CNTNAP2: variants seen among roughly 807,000 people sequenced by gnomAD.
CNTNAP2 encodes contactin associated protein 2, also known as contactin-associated protein-like 2.
In CNTNAP2, 98 loss-of-function variants were observed where a neutral mutation model predicts 155.2. The observed-to-expected ratio is 0.63, with a 90% CI of 0.54 to 0.75. CNTNAP2 has a LOEUF of 0.75. Among genes scored for constraint, CNTNAP2 ranks in the 30% least tolerant of loss-of-function variants. CNTNAP2 has a pLI of 0.00. For missense variants in CNTNAP2, 1,727 were observed against 1,688.1 expected (o/e 1.02, Z -0.40); for synonymous variants, 651 against 631.2 (o/e 1.03, Z -0.47).
At chr7:148,211,242 C>A (rs947129635) in intron 18 of CNTNAP2, among the ~76,000 whole-genome samples, 3 of 152,208 alleles carry the variant, frequency 2.0e-5, no homozygotes, top group African/African-American at 7.2e-5. Flanking sequence ...CCCAGGAGAG[C>A]CTCCTAGACT....
intron 1 of CNTNAP2, among the ~76,000 whole-genome samples, chr7:146,559,654 T>C (rs995409690): frequency 6.6e-6 from 1 of 152,194 alleles, no homozygotes; most frequent in Non-Finnish European, 1.5e-5. Context: ...TTATAAATTA[T>C]TGTGGAAAGT....
chr7:148,281,056 G>A (rs540396831), intron 21 of CNTNAP2, among the ~76,000 whole-genome samples: 2 of 152,316 alleles, frequency 1.3e-5, no homozygotes, highest in South Asian at 2.1e-4. Context: ...CTGGGGGAGC[G>A]TGAGGGACAG....
intron 1 of CNTNAP2, among the ~76,000 whole-genome samples, chr7:146,151,666 A>ATATATATATATATGTATATATATATG (rs1798047535): frequency 1.6e-5 from 1 of 64,014 alleles, no homozygotes; most frequent in Admixed American, 2.0e-4. Flanking sequence ...ATATATATAT[A>ATATATATATATATGTATATATATATG]TATATATATA....
At chr7:146,724,561 CTTTTTTTTTTTTT>C (rs1000613503) in intron 1 of CNTNAP2, among the ~76,000 whole-genome samples, 10 of 65,622 alleles carry the variant, frequency 1.5e-4, no homozygotes, top group African/African-American at 2.8e-4. Flanking sequence ...TAAATCTAAA[CTTTTTTTTTTTTT>C]TTTTTTTTTT....
intron 1 of CNTNAP2, among the ~76,000 whole-genome samples, chr7:146,704,387 T>C (rs1800928359): frequency 6.6e-6 from 1 of 152,116 alleles, no homozygotes; most frequent in African/African-American, 2.4e-5. Context: ...ACAGACAAAA[T>C]AGATACTAAT....
intron 21 of CNTNAP2, among the ~76,000 whole-genome samples, chr7:148,299,763 G>A (rs368552118): frequency 6.6e-6 from 1 of 152,210 alleles, no homozygotes; most frequent in Non-Finnish European, 1.5e-5. Context: ...ATAAAATGAT[G>A]ATTAGTCTTT....
rs371723238 is a variant in CNTNAP2, at chr7:146,151,698, GTA to G, written c.97+34739_97+34740del. ...TATATATATGTATATATATATATAT[GTA>G]TATATATATATATGTATATATATAT... On this transcript the variant is annotated intron_variant, in intron 1 of 23. Coordinates refer to ENST00000361727, the MANE Select transcript of CNTNAP2 (RefSeq NM_014141.6). Among the ~76,000 whole-genome samples, 524 of 73,982 alleles carry G rather than the reference GTA, an allele frequency of 7.1e-3. 15 individuals are homozygous for G. Among genetic ancestry groups the G allele is most frequent in the Middle Eastern group, 0.019 (3 of 156 alleles). The allele number at this position is 73,982 out of a possible 152,430, so 48.5% of individuals were successfully genotyped here.
intron 15 of CNTNAP2, among the ~76,000 whole-genome samples, chr7:148,020,331 C>T (rs1364419106): frequency 1.3e-5 from 2 of 152,198 alleles, no homozygotes; most frequent in East Asian, 3.9e-4. Context: ...AAGGGTAATT[C>T]ATCTTACTTT....
chr7:147,574,177 C>T (rs140099617), intron 12 of CNTNAP2, among the ~76,000 whole-genome samples: 16 of 152,180 alleles, frequency 1.1e-4, no homozygotes, highest in East Asian at 9.6e-4. Flanking sequence ...TTTCTAATGG[C>T]GTTCTATTAC....
At chr7:147,136,890 G>A (rs12532448) in intron 8 of CNTNAP2, among the ~76,000 whole-genome samples, 63,896 of 151,450 alleles carry the variant, frequency 0.42, 13,835 homozygotes, top group South Asian at 0.59. Context: ...TTAAATTCTT[G>A]TAACTCAAAA....
At chr7:146,375,345 C>T (rs528425216) in intron 1 of CNTNAP2, among the ~76,000 whole-genome samples, 3 of 152,174 alleles carry the variant, frequency 2.0e-5, no homozygotes, top group Non-Finnish European at 4.4e-5. Flanking sequence ...CAGAGACATG[C>T]GGAGACCAGA....
chr7:146,946,063 TCCTTCCTTC>T (rs1368230366), intron 3 of CNTNAP2, among the ~76,000 whole-genome samples: 1 of 141,168 alleles, frequency 7.1e-6, no homozygotes, highest in African/African-American at 2.6e-5. Flanking sequence ...AGGAGACCCT[TCCTTCCTTC>T]CCTTCCTTCC....
intron 2 of CNTNAP2, among the ~76,000 whole-genome samples, chr7:146,827,019 T>A (rs1585110168): frequency 6.6e-6 from 1 of 152,024 alleles, no homozygotes; most frequent in African/African-American, 2.4e-5. Flanking sequence ...GGAGATTTTT[T>A]TCAATTACAA....
chr7:147,865,836 T>C (rs899181770), intron 13 of CNTNAP2, among the ~76,000 whole-genome samples: 2 of 152,148 alleles, frequency 1.3e-5, no homozygotes, highest in Non-Finnish European at 2.9e-5. Flanking sequence ...GTCTTGCTAG[T>C]GGTCTATCAA....
chr7:146,638,307 T>C (rs1297442958), intron 1 of CNTNAP2, among the ~76,000 whole-genome samples: 4 of 151,994 alleles, frequency 2.6e-5, no homozygotes, highest in Non-Finnish European at 5.9e-5. Context: ...ACAAATGACC[T>C]CCAGTTTGTT....
chr7:147,611,438 T>C (rs12532794), intron 12 of CNTNAP2, among the ~76,000 whole-genome samples: 103,703 of 151,670 alleles, frequency 0.68, 35,865 homozygotes, highest in African/African-American at 0.78. Context: ...TCAGTAACTC[T>C]AGCTGTATTT....
At chr7:146,599,330 C>T (rs1351211078) in intron 1 of CNTNAP2, among the ~76,000 whole-genome samples, 2 of 151,918 alleles carry the variant, frequency 1.3e-5, no homozygotes, top group Non-Finnish European at 2.9e-5. Context: ...TGTCAAAGCC[C>T]TCCAATTATT....
At chr7:147,745,383 T>A (rs1484253131) in intron 13 of CNTNAP2, among the ~76,000 whole-genome samples, 1 of 152,238 alleles carries the variant, frequency 6.6e-6, no homozygotes, top group African/African-American at 2.4e-5. Flanking sequence ...AATATTGATG[T>A]TAAAATGTGG....
intron 1 of CNTNAP2, among the ~76,000 whole-genome samples, chr7:146,324,482 T>C (rs1801062672): frequency 1.3e-5 from 2 of 152,248 alleles, no homozygotes; most frequent in African/African-American, 4.8e-5. Context: ...CCTGTTTAAA[T>C]TGAAATTAGC....
Sources: allele counts gnomAD v4.1 joint callset (sites outside exome capture counted in the v4.1 genomes callset), GRCh38; gene constraint gnomAD v4.1.1; transcripts MANE v1.5; gene names NCBI Gene and HGNC (gene_info 2026-07-23, HGNC 2026-07-21).